The following UBE2F variants were observed in gnomAD, a reference collection of about 807,000 sequenced individuals.
UBE2F encodes the protein NEDD8-conjugating enzyme UBE2F.
A neutral mutation model predicts 29.6 loss-of-function variants in UBE2F; 5 were observed. That is an observed-to-expected ratio of 0.17 (90% CI 0.09 to 0.36). The LOEUF is 0.36. Ranked by LOEUF, UBE2F falls within the 10% of genes least tolerant of loss-of-function variation. UBE2F has a pLI of 1.00. For missense variants in UBE2F, 141 were observed against 228.5 expected, an observed-to-expected ratio of 0.62 and a Z score of 2.47; for synonymous variants, 66 against 81.8, an observed-to-expected ratio of 0.81 and a Z score of 1.04.
intron 9 of UBE2F, among the ~76,000 whole-genome samples, chr2:238,037,547 A>G (rs2106415676): frequency 6.6e-6 from 1 of 152,288 alleles, no homozygotes; most frequent in South Asian, 2.1e-4. Context: ...CCGTTTTCTG[A>G]ACCAGATTCC....
chr2:237,975,331 A>G (rs545524303), intron 2 of UBE2F, among the ~76,000 whole-genome samples: 2 of 151,610 alleles, frequency 1.3e-5, no homozygotes, highest in Admixed American at 1.3e-4. Context: ...GCTGGTCTTG[A>G]ACTCCTGGGC....
chr2:237,973,570 C>T, intron 2 of UBE2F: 1 of 778,846 alleles, frequency 1.3e-6, no homozygotes, highest in South Asian at 1.5e-5. Context: ...TTCTGATTCT[C>T]AGCACCATAG....
chr2:238,026,242 G>C (rs1012786249), intron 6 of UBE2F, among the ~76,000 whole-genome samples: 14 of 152,172 alleles, frequency 9.2e-5, no homozygotes, highest in African/African-American at 3.4e-4. Flanking sequence ...CAGCCAGTTT[G>C]GAAAGTAGGC....
intron 4 of UBE2F, among the ~76,000 whole-genome samples, chr2:238,005,431 A>G (rs1200410218): frequency 6.6e-6 from 1 of 152,148 alleles, no homozygotes; most frequent in African/African-American, 2.4e-5. Flanking sequence ...CTTGGGCTCA[A>G]GTGATCAGCC....
chr2:238,001,831 AAAAAC>A (rs1048654313), intron 4 of UBE2F, among the ~76,000 whole-genome samples: 5 of 152,166 alleles, frequency 3.3e-5, no homozygotes, highest in Non-Finnish European at 7.3e-5. Flanking sequence ...ACAAAAAACA[AAAAAC>A]AAAACAAAAC....
chr2:238,015,563 G>A (rs2106382134), intron 4 of UBE2F, among the ~76,000 whole-genome samples: 1 of 151,964 alleles, frequency 6.6e-6, no homozygotes, highest in East Asian at 1.9e-4. Context: ...CATAAATGTT[G>A]ATACGGTCTC....
At chr2:237,972,541 A>ATTTT (rs57914670) in intron 1 of UBE2F, among the ~76,000 whole-genome samples, 1 of 124,254 alleles carries the variant, frequency 8.0e-6, no homozygotes, top group Admixed American at 8.9e-5. Flanking sequence ...TTAATTTTAA[A>ATTTT]TTTTTTTTTT....
rs1559195194 is a variant in UBE2F at position 237,967,905 on chromosome 2, C to G, written c.-17+773C>G. On this transcript the variant is annotated intron_variant, in intron 1 of 9. Transcript: ENST00000272930. The surrounding 1 kb of genome is among the most constrained non-coding windows in gnomAD (Gnocchi z 6.3). Reference sequence around the variant, plus strand: ...ATCTGTCACAGGAGAGAATTGGGTCCCCCCACTCTGCATTCCCGACCGCCT... The same window carrying G: ...ATCTGTCACAGGAGAGAATTGGGTCGCCCCACTCTGCATTCCCGACCGCCT... Among the ~76,000 whole-genome samples, 1 of 152,110 alleles carries G rather than the reference C, an allele frequency of 6.6e-6. No individual in the cohort carries two copies.
At chr2:238,039,159 C>A (rs983521598) in intron 9 of UBE2F, among the ~76,000 whole-genome samples, 7 of 152,162 alleles carry the variant, frequency 4.6e-5, no homozygotes, top group African/African-American at 1.7e-4. Context: ...CACTTGAACC[C>A]AGGAGGCGGA....
intron 3 of UBE2F, among the ~76,000 whole-genome samples, chr2:237,988,470 G>C (rs1404693093): frequency 6.6e-6 from 1 of 151,466 alleles, no homozygotes; most frequent in East Asian, 1.9e-4. Flanking sequence ...AATTGGATTA[G>C]CTGGGCCTGG....
intron 1 of UBE2F, among the ~76,000 whole-genome samples, chr2:237,969,692 G>T (rs1576583021): frequency 6.6e-6 from 1 of 152,194 alleles, no homozygotes. Flanking sequence ...TGGGAAGGGA[G>T]ACACTGTTCC....
intron 6 of UBE2F, among the ~76,000 whole-genome samples, chr2:238,030,053 C>T (rs1038052324): frequency 6.6e-6 from 1 of 151,916 alleles, no homozygotes; most frequent in African/African-American, 2.4e-5. Context: ...TCAAGCAGTC[C>T]TCCACCTTTG....
At chr2:238,010,497 A>T (rs6736219) in intron 4 of UBE2F, among the ~76,000 whole-genome samples, 1 of 152,274 alleles carries the variant, frequency 6.6e-6, no homozygotes, top group South Asian at 2.1e-4. Flanking sequence ...AAAAGTTCCT[A>T]TAACTGTAAG....
chr2:238,003,263 G>T, intron 4 of UBE2F: 1 of 425,190 alleles, frequency 2.4e-6, no homozygotes, highest in South Asian at 1.7e-5. Flanking sequence ...TTGCGATGTA[G>T]AATAGAAATG....
chr2:237,998,215 G>A (rs1161070708), intron 4 of UBE2F, among the ~76,000 whole-genome samples: 2 of 152,076 alleles, frequency 1.3e-5, no homozygotes, highest in African/African-American at 4.8e-5. Context: ...CTTACATTTG[G>A]AAAATGTATA....
At position 238,041,344 on chromosome 2, in the gene UBE2F, G is replaced by A. The variant is rs765727507; in HGVS notation, c.*6G>A. The A allele has an allele frequency of 1.2e-6, 2 of 1,613,826 alleles. No individual in the cohort carries two copies. The highest frequency in any genetic ancestry group is 1.7e-6 in the Non-Finnish European group (2 of 1,179,816). The stretch of plus-strand genomic sequence containing the variant: ...TCAAACGTTATGCCAGATGATAAAA[G>A]GGGACGATTGCAGGCCCATGGACTG... On this transcript the variant is annotated 3_prime_UTR_variant, in exon 10 of 10. Coordinates refer to ENST00000272930, the MANE Select transcript of UBE2F (RefSeq NM_080678.3).
intron 4 of UBE2F, among the ~76,000 whole-genome samples, chr2:238,013,020 A>T (rs2064073708): frequency 6.6e-6 from 1 of 152,184 alleles, no homozygotes; most frequent in Admixed American, 6.5e-5. Flanking sequence ...TCATGCCTGT[A>T]ATCCCAGCAC....
At chr2:238,027,517 C>T (rs1318852041) in intron 6 of UBE2F, among the ~76,000 whole-genome samples, 1 of 152,104 alleles carries the variant, frequency 6.6e-6, no homozygotes, top group Non-Finnish European at 1.5e-5. Flanking sequence ...TGACAGAGAG[C>T]GAGCAGGCTC....
In UBE2F at chr2:238,042,104, G is replaced by C; in HGVS notation, c.*766G>C. ...ATGAGAATCTCACTCTTAAAAATCA[G>C]CTCTTGCTTTCGGGTCCGGATGTGG... On this transcript the variant is annotated 3_prime_UTR_variant, in exon 10 of 10. Coordinates refer to ENST00000272930, the MANE Select transcript of UBE2F (RefSeq NM_080678.3). The C allele has an allele frequency of 6.6e-6, 1 of 152,334 alleles. No individual in the cohort carries two copies. Among genetic ancestry groups the C allele is most frequent in the East Asian group, 1.9e-4 (1 of 5,208 alleles). The allele number at this position is 152,334 out of a possible 1,614,324, so 9.4% of individuals were successfully genotyped here. A position where few individuals can be genotyped will look rare whatever the true frequency, so the allele number is the denominator to read the frequency against.
Sources: allele counts gnomAD v4.1 joint callset (sites outside exome capture counted in the v4.1 genomes callset), GRCh38; gene constraint gnomAD v4.1.1; non-coding constraint Gnocchi (gnomAD v3.1); transcripts MANE v1.5; gene names NCBI Gene and HGNC (gene_info 2026-07-23, HGNC 2026-07-21).